Variants in HEXB observed in about 807,000 individuals in gnomAD.
HEXB encodes hexosaminidase subunit beta, also known as beta-hexosaminidase subunit beta.
HEXB carries 51 observed loss-of-function variants against 71.2 expected under a neutral mutation model. The observed-to-expected ratio is 0.72, with a 90% CI of 0.57 to 0.90. The LOEUF (loss-of-function observed/expected upper bound fraction) is 0.90. HEXB is among the 40% of genes least tolerant of loss of function. The probability of loss-of-function intolerance (pLI) is 0.00; values close to 1 mark genes in which losing one functional copy is unlikely to be tolerated. For missense variants in HEXB, 617 were observed against 677.0 expected (o/e 0.91, Z 0.98); for synonymous variants, 266 against 249.3 (o/e 1.07, Z -0.63).
rs377657832 is a variant in HEXB, at chr5:74,709,953, C to T, written c.772-3553C>T. 2.0e-4 allele frequency among the ~76,000 whole-genome samples: 31 copies of T among 151,928 alleles called. No individual in the cohort carries two copies. In the East Asian group the frequency reaches 4.2e-3, roughly 21 times the overall value. ...CTCATTTTATGAGGCCAGCATCATC[C>T]TGATACCAAAGCCGGGCAGAGACAC... On this transcript the variant is annotated intron_variant, in intron 6 of 13. Transcript: ENST00000261416.
intron 2 of HEXB, among the ~76,000 whole-genome samples, chr5:74,691,149 G>A (rs916023878): frequency 3.9e-5 from 6 of 152,196 alleles, no homozygotes; most frequent in Non-Finnish European, 8.8e-5. Context: ...ATTTTCAGCT[G>A]AAGAATAAAC....
intron 1 of HEXB, among the ~76,000 whole-genome samples, chr5:74,674,209 G>T (rs1263383286): frequency 3.9e-5 from 6 of 152,168 alleles, no homozygotes; most frequent in African/African-American, 1.4e-4. Context: ...TTTTAACAGA[G>T]GGTGTAATAA....
chr5:74,714,017 A>G (rs1181242074), intron 7 of HEXB, among the ~76,000 whole-genome samples: 4 of 152,162 alleles, frequency 2.6e-5, no homozygotes, highest in Non-Finnish European at 5.9e-5. Flanking sequence ...TTGTATTTTT[A>G]GTAGAGACGG....
At chr5:74,640,617 G>A (rs1035952627) in intron 1 of HEXB, 2 of 152,396 alleles carry the variant, frequency 1.3e-5, no homozygotes, top group African/African-American at 4.8e-5. Context: ...CTGTGCGCTC[G>A]GGGGAGGGAG....
intron 1 of HEXB, among the ~76,000 whole-genome samples, chr5:74,659,898 G>A (rs545887788): frequency 2.6e-4 from 39 of 152,250 alleles, no homozygotes; most frequent in Non-Finnish European, 4.4e-4. Flanking sequence ...AACTCTTAGC[G>A]TAGAAATAAT....
At chr5:74,665,782 C>A (rs148428277) in intron 1 of HEXB, among the ~76,000 whole-genome samples, 270 of 152,202 alleles carry the variant, frequency 1.8e-3, no homozygotes, top group African/African-American at 6.0e-3. Flanking sequence ...AGCCAGTTCC[C>A]TGTGAGTGTC....
chr5:74,718,128 C>G (rs928633371), intron 9 of HEXB, among the ~76,000 whole-genome samples, 163 bp from the exon 10 acceptor site: 1 of 152,180 alleles, frequency 6.6e-6, no homozygotes, highest in African/African-American at 2.4e-5. Flanking sequence ...AAAGGAGGAA[C>G]TACTTGTGAC....
At chr5:74,693,023 T>C (rs1202170714) in intron 2 of HEXB, among the ~76,000 whole-genome samples, 2 of 152,206 alleles carry the variant, frequency 1.3e-5, no homozygotes, top group Non-Finnish European at 2.9e-5. Flanking sequence ...ATTATTTTTA[T>C]TGAGTGAGAC....
intron 6 of HEXB, among the ~76,000 whole-genome samples, chr5:74,708,531 G>A (rs1422744507): frequency 6.6e-6 from 1 of 151,750 alleles, no homozygotes; most frequent in Non-Finnish European, 1.5e-5. Context: ...TCAGTGTGTT[G>A]GATTCAGGAA....
chr5:74,713,572 T>A lies in HEXB; in HGVS notation c.838T>A (p.Leu280Ile), dbSNP rs1057518432. The A allele has an allele frequency of 1.2e-6, 2 of 1,613,002 alleles. No individual in the cohort carries two copies. Among genetic ancestry groups the A allele is most frequent in the Non-Finnish European group, 1.7e-6 (2 of 1,179,082 alleles). Residue 280 changes from leucine to isoleucine, a missense_variant, in exon 7 of 14, where the codon TTA becomes ATA. Physicochemically the swap from Leu to Ile is conservative, Grantham distance 5 (BLOSUM62 2). Transcript: ENST00000261416. The stretch of plus-strand genomic sequence containing the variant: ...CCGTATGGTGATTGAATATGCCAGA[T>A]TACGAGGAATTCGAGTCCTGCCAGA... ...DVRMVIEYAR[L>I]RGIRVLPEFD... is the part of the protein sequence containing the mutation.
chr5:74,717,356 CTGTCCA>C (rs1749696081), intron 9 of HEXB, among the ~76,000 whole-genome samples: 1 of 152,030 alleles, frequency 6.6e-6, no homozygotes, highest in African/African-American at 2.4e-5. Context: ...CCACAGGTGT[CTGTCCA>C]TATGTAAATT....
At chr5:74,664,494 ATT>A (rs1748399185) in intron 1 of HEXB, among the ~76,000 whole-genome samples, 1 of 151,020 alleles carries the variant, frequency 6.6e-6, no homozygotes, top group Admixed American at 6.6e-5. Flanking sequence ...GCTGTTAACC[ATT>A]TAAAAAAGAA....
At chr5:74,698,006 T>A (rs1418983261) in intron 5 of HEXB, among the ~76,000 whole-genome samples, 1 of 151,884 alleles carries the variant, frequency 6.6e-6, no homozygotes, top group African/African-American at 2.4e-5. Flanking sequence ...GGAGGTTTCC[T>A]CCCATGTTTT....
At chr5:74,667,737 G>A (rs919336224) in intron 1 of HEXB, among the ~76,000 whole-genome samples, 1 of 152,068 alleles carries the variant, frequency 6.6e-6, no homozygotes, top group South Asian at 2.1e-4. Context: ...CTTGCATTTC[G>A]CTAACTGATC....
chr5:74,672,865 G>A (rs1748564766), intron 1 of HEXB, among the ~76,000 whole-genome samples: 1 of 152,222 alleles, frequency 6.6e-6, no homozygotes. Flanking sequence ...ATTTTTAAGA[G>A]GGGTAGGAGA....
intron 1 of HEXB, among the ~76,000 whole-genome samples, chr5:74,671,631 G>T (rs193049289): frequency 1.4e-4 from 22 of 152,250 alleles, no homozygotes; most frequent in Admixed American, 1.4e-3. Context: ...TGGTTCCACC[G>T]CCATGTATCT....
At chr5:74,720,622 G>A (rs776903062) in intron 12 of HEXB, 21 bp from the exon 13 acceptor site, 17 of 1,606,854 alleles carry the variant, frequency 1.1e-5, no homozygotes, top group African/African-American at 9.4e-5. Context: ...CTTGCGGGGG[G>A]ATGTGTGATT....
chr5:74,672,740 C>T (rs997624550), intron 1 of HEXB, among the ~76,000 whole-genome samples: 6 of 152,216 alleles, frequency 3.9e-5, no homozygotes, highest in Non-Finnish European at 5.9e-5. Flanking sequence ...CATATCCACA[C>T]GTCAAATTAA....
At chr5:74,664,927 A>T (rs1020483023) in intron 1 of HEXB, among the ~76,000 whole-genome samples, 4 of 152,216 alleles carry the variant, frequency 2.6e-5, no homozygotes, top group Non-Finnish European at 2.9e-5. Flanking sequence ...AGGGCACGAC[A>T]TATCCCATTA....
Sources: gnomAD v4.1 joint callset for allele counts (sites outside exome capture counted in the v4.1 genomes callset) on GRCh38, gnomAD v4.1.1 for gene constraint, MANE v1.5 for transcripts, NCBI Gene and HGNC (gene_info 2026-07-23, HGNC 2026-07-21) for gene names.